OPCML: variants seen among roughly 807,000 people sequenced by gnomAD.
The protein encoded by OPCML is opioid-binding protein/cell adhesion molecule.
OPCML carries 13 observed loss-of-function variants against 37.8 expected under a neutral mutation model. The observed-to-expected ratio is 0.34, with a 90% confidence interval of 0.22 to 0.55. OPCML has a LOEUF of 0.55. Ranked by LOEUF, OPCML falls within the 20% of genes least tolerant of loss-of-function variation. OPCML has a pLI of 0.91. For missense variants in OPCML, 341 were observed against 435.6 expected (o/e 0.78, Z 1.93); for synonymous variants, 176 against 168.8 (o/e 1.04, Z -0.33).
At chr11:132,663,495 T>C (rs563527676) in intron 2 of OPCML, among the ~76,000 whole-genome samples, 22 of 152,354 alleles carry the variant, frequency 1.4e-4, no homozygotes, top group South Asian at 1.2e-3. Flanking sequence ...TATAAACCTA[T>C]GCTAGATGTG....
At chr11:132,866,193 A>G (rs1236201584) in intron 2 of OPCML, among the ~76,000 whole-genome samples, 2 of 152,244 alleles carry the variant, frequency 1.3e-5, no homozygotes, top group Admixed American at 6.5e-5. Context: ...TGATGTTTAC[A>G]TTATGTGGCC....
chr11:132,839,589 G>A (rs1316092766), intron 2 of OPCML, among the ~76,000 whole-genome samples: 1 of 152,122 alleles, frequency 6.6e-6, no homozygotes, highest in Non-Finnish European at 1.5e-5. Flanking sequence ...AGGCTGGAGA[G>A]GACTGTTCCT....
intron 1 of OPCML, among the ~76,000 whole-genome samples, chr11:133,458,605 GTGTA>G (rs148452101): frequency 0.077 from 7,549 of 97,624 alleles, 1,373 homozygotes; most frequent in Admixed American, 0.11. Context: ...ACGTGTGTGT[GTGTA>G]TACACATATA....
At chr11:133,468,033 C>G (rs2136999916) in intron 1 of OPCML, among the ~76,000 whole-genome samples, 1 of 152,272 alleles carries the variant, frequency 6.6e-6, no homozygotes, top group East Asian at 1.9e-4. Flanking sequence ...ATGTAAGACT[C>G]CTAGTACCTG....
At chr11:133,204,058 C>CAAAAAAAAAAAAAAAAAAA (rs58343203) in intron 1 of OPCML, among the ~76,000 whole-genome samples, 1 of 66,510 alleles carries the variant, frequency 1.5e-5, no homozygotes, top group Non-Finnish European at 2.7e-5. Context: ...GACTCTGTCT[C>CAAAAAAAAAAAAAAAAAAA]AAAAAAAAAA....
chr11:133,291,589 CTCT>C (rs1942476084), intron 1 of OPCML, among the ~76,000 whole-genome samples: 1 of 152,354 alleles, frequency 6.6e-6, no homozygotes, highest in African/African-American at 2.4e-5. Context: ...ATTTTCTCAC[CTCT>C]TCTACCCATT....
intron 1 of OPCML, among the ~76,000 whole-genome samples, chr11:133,441,613 T>TTTTG (rs1308528534): frequency 6.6e-6 from 1 of 152,190 alleles, no homozygotes; most frequent in Non-Finnish European, 1.5e-5. Flanking sequence ...ATTGTTGTGT[T>TTTTG]TTTGTTTGTT....
At chr11:132,491,990 T>C (rs1056042555) in intron 4 of OPCML, among the ~76,000 whole-genome samples, 14 of 150,574 alleles carry the variant, frequency 9.3e-5, no homozygotes, top group African/African-American at 3.4e-4. Context: ...AAGTGACATT[T>C]GAGTAGAGAC....
At chr11:133,187,511 G>T (rs545044042) in intron 1 of OPCML, among the ~76,000 whole-genome samples, 2 of 152,198 alleles carry the variant, frequency 1.3e-5, no homozygotes, top group Admixed American at 6.5e-5. Context: ...CTTTTCGCAT[G>T]GTCTGTTGGT....
chr11:132,510,500 G>A (rs1316227158), intron 4 of OPCML, among the ~76,000 whole-genome samples: 2 of 152,124 alleles, frequency 1.3e-5, no homozygotes, highest in East Asian at 1.9e-4. Flanking sequence ...ATTCCCGTAT[G>A]TTCTGGGAAA....
chr11:132,547,979 T>C (rs1591534845), intron 3 of OPCML, among the ~76,000 whole-genome samples: 2 of 152,216 alleles, frequency 1.3e-5, no homozygotes, highest in East Asian at 3.9e-4. Flanking sequence ...GTGCCTACTG[T>C]GGTCCTTCTG....
At chr11:132,880,219 A>T (rs909018761) in intron 2 of OPCML, among the ~76,000 whole-genome samples, 1 of 152,106 alleles carries the variant, frequency 6.6e-6, no homozygotes, top group Non-Finnish European at 1.5e-5. Context: ...TAAATAATTT[A>T]AAAAATTAAA....
chr11:132,924,872 T>G (rs949810569), intron 2 of OPCML, among the ~76,000 whole-genome samples: 8 of 123,566 alleles, frequency 6.5e-5, no homozygotes, highest in Non-Finnish European at 1.0e-4. Context: ...TTTCTTTCTC[T>G]CTTGCTTTTG....
At chr11:132,867,324 C>T (rs1008645767) in intron 2 of OPCML, among the ~76,000 whole-genome samples, 1 of 152,176 alleles carries the variant, frequency 6.6e-6, no homozygotes, top group Non-Finnish European at 1.5e-5. Flanking sequence ...GACTCAGCAT[C>T]TCAGGCACTA....
Position 133,137,155 on chromosome 11 carries a change from T to C in OPCML, c.62-194145A>G, listed in dbSNP as rs1309995207. Among the ~76,000 whole-genome samples, 3 of 152,094 alleles carry C rather than the reference T, an allele frequency of 2.0e-5. No homozygotes were observed. In the East Asian group the frequency reaches 5.8e-4, roughly 29 times the overall value. On this transcript the variant is annotated intron_variant, in intron 1 of 7. Transcript: ENST00000524381. ...GGTTCTGGGAAGTGGGGGGCATTTT[T>C]ACAGAGCATTTGGCTGAGCCTCTCT...
intron 1 of OPCML, among the ~76,000 whole-genome samples, chr11:133,240,293 C>T (rs1284807835): frequency 6.6e-6 from 1 of 151,690 alleles, no homozygotes; most frequent in African/African-American, 2.4e-5. Flanking sequence ...GATATGTATC[C>T]ATAATGTTGT....
intron 3 of OPCML, among the ~76,000 whole-genome samples, chr11:132,653,835 A>G (rs1028080156): frequency 2.2e-4 from 33 of 152,200 alleles, no homozygotes; most frequent in African/African-American, 7.7e-4. Flanking sequence ...TCTCAAATGG[A>G]CAGAAGATAC....
At chr11:132,523,993 A>C (rs1434696126) in intron 4 of OPCML, among the ~76,000 whole-genome samples, 2 of 152,198 alleles carry the variant, frequency 1.3e-5, no homozygotes, top group Non-Finnish European at 2.9e-5. Context: ...ACAGGAAGGA[A>C]GCCTTTGTTA....
intron 1 of OPCML, among the ~76,000 whole-genome samples, chr11:133,161,900 T>C (rs965412617): frequency 1.3e-5 from 2 of 148,952 alleles, no homozygotes; most frequent in Non-Finnish European, 3.0e-5. Context: ...GCACAGTGCC[T>C]GCCTCCCGGT....
Sources: gnomAD v4.1 joint callset for allele counts (sites outside exome capture counted in the v4.1 genomes callset) on GRCh38, gnomAD v4.1.1 for gene constraint, MANE v1.5 for transcripts, NCBI Gene and HGNC (gene_info 2026-07-23, HGNC 2026-07-21) for gene names.